The following CNTNAP2 variants were observed in gnomAD, a reference collection of about 807,000 sequenced individuals.
The protein encoded by CNTNAP2 is contactin associated protein 2.
CNTNAP2 carries 98 observed loss-of-function variants against 155.2 expected under a neutral mutation model. The observed-to-expected ratio is 0.63, with a 90% CI of 0.54 to 0.75. The LOEUF is 0.75. Ranked by LOEUF, CNTNAP2 falls within the 30% of genes least tolerant of loss-of-function variation. The probability of loss-of-function intolerance (pLI) is 0.00; values close to 1 mark genes in which losing one functional copy is unlikely to be tolerated. For missense variants in CNTNAP2, 1,727 were observed against 1,688.1 expected (o/e 1.02, Z -0.40); for synonymous variants, 651 against 631.2 (o/e 1.03, Z -0.47).
intron 8 of CNTNAP2, among the ~76,000 whole-genome samples, chr7:147,172,845 A>G (rs572329386): frequency 6.6e-6 from 1 of 152,310 alleles, no homozygotes; most frequent in East Asian, 1.9e-4. Context: ...AGTCTTGACT[A>G]CAAGGGCAGG....
At chr7:148,183,475 C>CTTTTTTT (rs71527885) in intron 18 of CNTNAP2, among the ~76,000 whole-genome samples, 33 of 82,234 alleles carry the variant, frequency 4.0e-4, no homozygotes, top group African/African-American at 4.3e-4. Flanking sequence ...TACTTATTTG[C>CTTTTTTT]TTTTTTTTTT....
At chr7:147,438,197 A>G (rs943185419) in intron 10 of CNTNAP2, among the ~76,000 whole-genome samples, 2 of 152,102 alleles carry the variant, frequency 1.3e-5, no homozygotes, top group Non-Finnish European at 2.9e-5. Context: ...TACAGATCTC[A>G]GAGGAAAGGC....
At chr7:147,861,427 G>C (rs149274513) in intron 13 of CNTNAP2, among the ~76,000 whole-genome samples, 11 of 152,250 alleles carry the variant, frequency 7.2e-5, no homozygotes, top group Non-Finnish European at 1.5e-4. Context: ...AATAAATGCA[G>C]ATAAATCTCC....
intron 1 of CNTNAP2, among the ~76,000 whole-genome samples, chr7:146,554,860 G>A (rs986923153): frequency 6.6e-6 from 1 of 152,194 alleles, no homozygotes; most frequent in Non-Finnish European, 1.5e-5. Context: ...GGGTGAAAAT[G>A]GGGAAATTGC....
At chr7:146,405,294 A>C (rs546018958) in intron 1 of CNTNAP2, among the ~76,000 whole-genome samples, 1 of 152,296 alleles carries the variant, frequency 6.6e-6, no homozygotes, top group East Asian at 1.9e-4. Flanking sequence ...ACTGGCAAGG[A>C]TAACAACCCT....
chr7:146,828,327 A>G (rs1197409729), intron 2 of CNTNAP2, among the ~76,000 whole-genome samples: 1 of 152,082 alleles, frequency 6.6e-6, no homozygotes, highest in Admixed American at 6.6e-5. Flanking sequence ...AAAATAAGCC[A>G]ATAAGAAATA....
At chr7:148,283,780 G>GTTT (rs1337993320) in intron 21 of CNTNAP2, among the ~76,000 whole-genome samples, 5 of 152,180 alleles carry the variant, frequency 3.3e-5, no homozygotes, top group African/African-American at 1.2e-4. Context: ...AAATACATCT[G>GTTT]TTAGATGAGC....
chr7:146,342,956 C>A (rs1220710347), intron 1 of CNTNAP2, among the ~76,000 whole-genome samples: 1 of 152,200 alleles, frequency 6.6e-6, no homozygotes, highest in Non-Finnish European at 1.5e-5. Context: ...CCACACTGTG[C>A]AGCAAGTGAA....
At chr7:146,828,176 A>G (rs1431758022) in intron 2 of CNTNAP2, among the ~76,000 whole-genome samples, 1 of 152,032 alleles carries the variant, frequency 6.6e-6, no homozygotes, top group African/African-American at 2.4e-5. Flanking sequence ...AGAGGTATTT[A>G]TAGTAAATAA....
chr7:147,118,082 A>T (rs913782252), intron 5 of CNTNAP2, among the ~76,000 whole-genome samples: 1 of 152,134 alleles, frequency 6.6e-6, no homozygotes, highest in Non-Finnish European at 1.5e-5. Flanking sequence ...GATATACAAG[A>T]TAACTCATAA....
In CNTNAP2 at chr7:147,385,055, AAG is replaced by A. The variant is rs540915231; in HGVS notation, c.1499-10546_1499-10545del. 1.9e-4 allele frequency among the ~76,000 whole-genome samples: 29 copies of A among 152,290 alleles called. No individual in the cohort carries two copies. In the South Asian group the frequency reaches 5.6e-3, roughly 29 times the overall value. ...CATCTTACATGGATGGTGGCAGGAAAAGAGAGAGAACTTGTGCAGGGAAACTC... is the reference window on the plus strand; with the variant it reads ...CATCTTACATGGATGGTGGCAGGAAAAGAGAGAACTTGTGCAGGGAAACTC... On this transcript the variant is annotated intron_variant, in intron 9 of 23. Transcript: ENST00000361727.
At chr7:146,362,760 A>G (rs1000214683) in intron 1 of CNTNAP2, among the ~76,000 whole-genome samples, 20 of 146,998 alleles carry the variant, frequency 1.4e-4, no homozygotes, top group African/African-American at 5.0e-4. Flanking sequence ...AAATATTCAC[A>G]CAGCACTTTT....
intron 3 of CNTNAP2, among the ~76,000 whole-genome samples, chr7:146,972,475 T>C (rs538369239): frequency 6.6e-6 from 1 of 152,310 alleles, no homozygotes; most frequent in South Asian, 2.1e-4. Flanking sequence ...ATGGAATACA[T>C]AGCACAAAAG....
At chr7:147,893,209 A>G (rs1799721136) in intron 13 of CNTNAP2, among the ~76,000 whole-genome samples, 2 of 152,248 alleles carry the variant, frequency 1.3e-5, no homozygotes, top group Non-Finnish European at 2.9e-5. Context: ...ATCTATGAGA[A>G]TGCCAATACA....
At chr7:148,064,560 A>G (rs1025654811) in intron 15 of CNTNAP2, among the ~76,000 whole-genome samples, 1 of 151,978 alleles carries the variant, frequency 6.6e-6, no homozygotes, top group African/African-American at 2.4e-5. Flanking sequence ...TGATAAATGA[A>G]TTCAGCAAAG....
At chr7:146,929,043 G>A (rs781369074) in intron 3 of CNTNAP2, among the ~76,000 whole-genome samples, 162 of 152,322 alleles carry the variant, frequency 1.1e-3, no homozygotes, top group Non-Finnish European at 1.8e-3. Context: ...AGTAACCTCT[G>A]CAGACTTAAA....
intron 3 of CNTNAP2, among the ~76,000 whole-genome samples, chr7:146,925,081 T>C (rs1444326831): frequency 6.6e-6 from 1 of 152,138 alleles, no homozygotes; most frequent in Non-Finnish European, 1.5e-5. Context: ...TAGAAGTACA[T>C]AGTGCTGACC....
At position 148,147,576 on chromosome 7, in the gene CNTNAP2, C is replaced by T; in HGVS notation, c.2640C>T (p.Asp880=). Residue 880 remains aspartate, a synonymous_variant, in exon 17 of 24, where the codon GAC becomes GAT. Transcript: ENST00000361727. ...GGTCACCAACCCCTCTCAACGATGA[C>T]CAGTGGCACCGGGTCACTGCAGAGA... ...VVRSPTPLND[D]QWHRVTAERN... The T allele has an allele frequency of 6.2e-7, 1 of 1,614,104 alleles. No individual in the cohort carries two copies. The highest frequency in any genetic ancestry group is 8.5e-7 in the Non-Finnish European group (1 of 1,180,032).
chr7:147,246,056 CACATATATATGGCATATATATATAT>C (rs762550688), intron 8 of CNTNAP2, among the ~76,000 whole-genome samples: 12 of 133,498 alleles, frequency 9.0e-5, no homozygotes, highest in South Asian at 7.5e-4. Context: ...TATATATATA[CACATATATATGGCATATATATATAT>C]ACATATATAT....
Sources: allele counts gnomAD v4.1 joint callset (sites outside exome capture counted in the v4.1 genomes callset), GRCh38; gene constraint gnomAD v4.1.1; transcripts MANE v1.5; gene names NCBI Gene and HGNC (gene_info 2026-07-23, HGNC 2026-07-21).